Variants in FNIP2 observed in about 807,000 individuals in gnomAD.
FNIP2 encodes the protein folliculin interacting protein 2.
Under a neutral mutation model 108.7 loss-of-function variants are expected in FNIP2, and 32 were observed. That is an observed-to-expected ratio of 0.29 (90% CI 0.22 to 0.40). The LOEUF is 0.40. Among genes scored for constraint, FNIP2 ranks in the 10% least tolerant of loss-of-function variants. FNIP2 has a pLI of 1.00. For missense variants in FNIP2, 1,202 were observed against 1,381.6 expected, an observed-to-expected ratio of 0.87 and a Z score of 2.06; for synonymous variants, 480 against 496.7, an observed-to-expected ratio of 0.97 and a Z score of 0.45.
At chr4:158,882,359 C>T (rs1381255416) in intron 14 of FNIP2, among the ~76,000 whole-genome samples, 4 of 151,378 alleles carry the variant, frequency 2.6e-5, no homozygotes, top group East Asian at 2.0e-4. Flanking sequence ...TCCGGCCAGC[C>T]GCCCCGTCCG....
chr4:158,869,220 C>T lies in FNIP2; in HGVS notation c.2584C>T (p.Pro862Ser). ...TGCCCCCAGGTGTGTCCAGCGGGGC[C>T]CTGGCCTCGTGGCTGGTGCGAATAT... ...PVAPRCVQRG[P>S]GLVAGANIPC... Residue 862 changes from proline (P) to serine (S), a missense_variant, in exon 13 of 17, where the codon CCT becomes TCT. Around this residue, in one of 5 missense-constraint regions of FNIP2, gnomAD observed 878 missense variants for 990.3 expected, o/e 0.89. Transcript: ENST00000264433. The T allele has an allele frequency of 2.5e-6, 4 of 1,614,048 alleles. No homozygotes were observed. Among genetic ancestry groups the T allele is most frequent in the South Asian group, 2.2e-5 (2 of 91,086 alleles).
intron 1 of FNIP2, among the ~76,000 whole-genome samples, chr4:158,771,636 T>C (rs1248071335): frequency 6.6e-6 from 1 of 152,254 alleles, no homozygotes; most frequent in African/African-American, 2.4e-5. Context: ...TTGTATTCTT[T>C]AGTGCATTTA....
chr4:158,876,554 T>C (rs1395713783), intron 14 of FNIP2, among the ~76,000 whole-genome samples: 1 of 152,236 alleles, frequency 6.6e-6, no homozygotes, highest in Non-Finnish European at 1.5e-5. Flanking sequence ...AAGACCCATT[T>C]CATATGTTGC....
At chr4:158,881,677 T>A (rs1364175490) in intron 14 of FNIP2, among the ~76,000 whole-genome samples, 1 of 152,230 alleles carries the variant, frequency 6.6e-6, no homozygotes, top group Non-Finnish European at 1.5e-5. Context: ...GGTCTCCAGC[T>A]CCTAACCGCG....
chr4:158,851,419 A>G lies in FNIP2; in HGVS notation c.826A>G (p.Thr276Ala), dbSNP rs776663444. The G allele has an allele frequency of 1.2e-6, 2 of 1,613,960 alleles. No individual in the cohort carries two copies. The highest frequency in any genetic ancestry group is 2.2e-5 in the East Asian group (1 of 44,886). The stretch of plus-strand genomic sequence containing the variant: ...GCGCCGCTGGCTTCGAAGTCAGACA[A>G]CAAGTTTGGAAAATGGCATCATCCC... ...YQRRWLRSQT[T>A]SLENGIIPRR... Residue 276 changes from threonine to alanine, a missense_variant, in exon 8 of 17, where the codon ACA becomes GCA. Transcript: ENST00000264433.
At chr4:158,892,750 C>T (rs1050053833) in intron 15 of FNIP2, among the ~76,000 whole-genome samples, 1 of 152,114 alleles carries the variant, frequency 6.6e-6, no homozygotes, top group Non-Finnish European at 1.5e-5. Flanking sequence ...CCTGTCTGCA[C>T]AGCGCTGTTC....
At chr4:158,896,972 TCTC>T (rs1415330072) in intron 16 of FNIP2, among the ~76,000 whole-genome samples, 1 of 152,086 alleles carries the variant, frequency 6.6e-6, no homozygotes, top group Non-Finnish European at 1.5e-5. Context: ...ATTAGGTACT[TCTC>T]CTAATGCTAT....
At chr4:158,881,606 A>C (rs561513417) in intron 14 of FNIP2, among the ~76,000 whole-genome samples, 34 of 152,298 alleles carry the variant, frequency 2.2e-4, no homozygotes, top group African/African-American at 7.5e-4. Flanking sequence ...GCGTGCCGCC[A>C]CGCCTGACTG....
At chr4:158,812,696 C>T (rs1486091429) in intron 1 of FNIP2, among the ~76,000 whole-genome samples, 2 of 152,046 alleles carry the variant, frequency 1.3e-5, no homozygotes, top group Admixed American at 6.5e-5. Context: ...ACATCCCACA[C>T]CACAGTGATA....
chr4:158,790,595 A>G (rs1776379644), intron 1 of FNIP2, among the ~76,000 whole-genome samples: 1 of 152,064 alleles, frequency 6.6e-6, no homozygotes, highest in African/African-American at 2.4e-5. Context: ...AAAATTTTGA[A>G]AATCAGTTGG....
intron 7 of FNIP2, among the ~76,000 whole-genome samples, chr4:158,842,119 T>C (rs1779166589): frequency 6.6e-6 from 1 of 152,260 alleles, no homozygotes; most frequent in Admixed American, 6.5e-5. Context: ...TTCAGATGTT[T>C]GGTATTTTCC....
At chr4:158,875,541 T>TATATATATATATATATATATGC (rs1553964269) in intron 14 of FNIP2, among the ~76,000 whole-genome samples, 15 of 141,476 alleles carry the variant, frequency 1.1e-4, no homozygotes, top group African/African-American at 2.9e-4. Context: ...TATATATATA[T>TATATATATATATATATATATGC]GCTCATGAAT....
At chr4:158,890,151 C>G in intron 14 of FNIP2, 2 of 984,960 alleles carry the variant, frequency 2.0e-6, no homozygotes, top group Non-Finnish European at 2.4e-6. Context: ...CTTTATCTCT[C>G]ATGTTTAAAA....
intron 1 of FNIP2, among the ~76,000 whole-genome samples, chr4:158,797,324 A>G (rs1208896083): frequency 6.6e-6 from 1 of 152,198 alleles, no homozygotes; most frequent in African/African-American, 2.4e-5. Context: ...TGTTATACAC[A>G]TTGACTTCCA....
intron 1 of FNIP2, among the ~76,000 whole-genome samples, chr4:158,802,949 A>G (rs1157425189): frequency 1.3e-5 from 2 of 152,232 alleles, no homozygotes; most frequent in Non-Finnish European, 2.9e-5. Flanking sequence ...AAACAGTACA[A>G]ATAGCAGCTT....
intron 1 of FNIP2, among the ~76,000 whole-genome samples, chr4:158,824,300 A>G (rs542138344): frequency 6.6e-6 from 1 of 152,354 alleles, no homozygotes; most frequent in Non-Finnish European, 1.5e-5. Context: ...CTAGGAGGCC[A>G]GAGGCATTTG....
At chr4:158,775,515 A>G (rs1477662994) in intron 1 of FNIP2, among the ~76,000 whole-genome samples, 2 of 147,298 alleles carry the variant, frequency 1.4e-5, no homozygotes, top group South Asian at 2.3e-4. Context: ...TGGAACATCC[A>G]TGACTCACTA....
chr4:158,801,027 T>C (rs1776743371), intron 1 of FNIP2, among the ~76,000 whole-genome samples: 1 of 152,228 alleles, frequency 6.6e-6, no homozygotes, highest in Admixed American at 6.5e-5. Flanking sequence ...GAAAGTTAAA[T>C]TATTTCCCAG....
At chr4:158,851,472 G>T (rs756822164) in intron 8 of FNIP2, 22 bp downstream of exon 8, 30 of 1,613,702 alleles carry the variant, frequency 1.9e-5, no homozygotes, top group Non-Finnish European at 2.5e-5. Flanking sequence ...GTTTCCTCTT[G>T]CTGAGAAAAG....
Sources: gnomAD v4.1 joint callset for allele counts (sites outside exome capture counted in the v4.1 genomes callset) on GRCh38, gnomAD v4.1.1 for gene constraint, gnomAD v4.1.1 regional missense constraint, MANE v1.5 for transcripts, NCBI Gene and HGNC (gene_info 2026-07-23, HGNC 2026-07-21) for gene names.